The following CDH4 variants were observed in gnomAD, a reference collection of about 807,000 sequenced individuals.
CDH4 encodes the protein cadherin-4.
CDH4 carries 33 observed loss-of-function variants against 86.0 expected under a neutral mutation model. The ratio of observed to expected loss-of-function variants is 0.38; its 90% CI spans 0.29 to 0.51. The LOEUF (loss-of-function observed/expected upper bound fraction) is 0.51, where lower values mean the gene tolerates loss of function less well. Ranked by LOEUF, CDH4 falls within the 20% of genes least tolerant of loss-of-function variation. The probability of loss-of-function intolerance (pLI) is 0.86; values close to 1 mark genes in which losing one functional copy is unlikely to be tolerated. For missense variants in CDH4, 1,114 were observed against 1,307.4 expected, an observed-to-expected ratio of 0.85 and a Z score of 2.28; for synonymous variants, 555 against 549.4, an observed-to-expected ratio of 1.01 and a Z score of -0.14.
intron 2 of CDH4, among the ~76,000 whole-genome samples, chr20:61,284,324 T>A (rs2084281645): frequency 6.6e-6 from 1 of 151,800 alleles, no homozygotes; most frequent in African/African-American, 2.4e-5. Context: ...AAAAAAAAAA[T>A]CTGCTTAGCT....
At chr20:61,528,395 G>A (rs1438781387) in intron 2 of CDH4, among the ~76,000 whole-genome samples, 1 of 130,518 alleles carries the variant, frequency 7.7e-6, no homozygotes, top group Non-Finnish European at 1.6e-5. Flanking sequence ...ATGAGAGGAG[G>A]GGAAGGGAGG....
At chr20:61,846,274 G>A (rs1055898022) in intron 5 of CDH4, among the ~76,000 whole-genome samples, 4 of 152,236 alleles carry the variant, frequency 2.6e-5, no homozygotes, top group Non-Finnish European at 5.9e-5. Flanking sequence ...CCTGGGCTTC[G>A]TGTGCTGGGC....
chr20:61,629,648 G>A (rs998738498), intron 2 of CDH4, among the ~76,000 whole-genome samples: 9 of 152,198 alleles, frequency 5.9e-5, no homozygotes, highest in African/African-American at 1.4e-4. Context: ...AGGCGGCCGC[G>A]GTTTTTCCAG....
At chr20:61,492,446 CA>C (rs2085633279) in intron 2 of CDH4, among the ~76,000 whole-genome samples, 1 of 150,204 alleles carries the variant, frequency 6.7e-6, no homozygotes, top group South Asian at 2.1e-4. Context: ...TTGGTGGTGT[CA>C]ATATTGTTGA....
chr20:61,600,642 C>T (rs1413000941), intron 2 of CDH4, among the ~76,000 whole-genome samples: 1 of 152,172 alleles, frequency 6.6e-6, no homozygotes, highest in African/African-American at 2.4e-5. Flanking sequence ...TCCAGGCCCG[C>T]CCCCAGGGGT....
At chr20:61,328,172 T>C (rs754921405) in intron 2 of CDH4, among the ~76,000 whole-genome samples, 9 of 152,136 alleles carry the variant, frequency 5.9e-5, no homozygotes, top group Non-Finnish European at 1.3e-4. Context: ...CTAATAAAAT[T>C]GCTATTTTTT....
intron 2 of CDH4, among the ~76,000 whole-genome samples, chr20:61,572,824 T>TGG (rs1555809980): frequency 1.0e-4 from 15 of 146,058 alleles, no homozygotes; most frequent in African/African-American, 3.8e-4. Flanking sequence ...TTCAGAACAC[T>TGG]ATGGATGGAT....
Position 61,258,340 on chromosome 20 carries a change from A to AAAAAAAAAAG in CDH4, c.169+3408_169+3409insAAAAGAAAAA, listed in dbSNP as rs1353887398. ...ACGAGACTCCGTCTCAAAAAAAAAA[A>AAAAAAAAAAG]AAAAAGAAAAAAAAAAAAGAAAGAG... On this transcript the variant is annotated intron_variant, in intron 2 of 15. Coordinates refer to ENST00000614565, the MANE Select transcript of CDH4 (RefSeq NM_001794.5). Among the ~76,000 whole-genome samples, 435 of 121,726 alleles carry AAAAAAAAAAG rather than the reference A, an allele frequency of 3.6e-3. 6 individuals carry two copies. Among genetic ancestry groups the AAAAAAAAAAG allele is most frequent in the African/African-American group, 0.013 (415 of 32,194 alleles). The allele number at this position is 121,726 out of a possible 152,430, so 79.9% of individuals were successfully genotyped here. A position where few individuals can be genotyped will look rare whatever the true frequency, so the allele number is the denominator to read the frequency against.
chr20:61,828,595 G>A (rs987302240), intron 4 of CDH4, among the ~76,000 whole-genome samples: 4 of 152,182 alleles, frequency 2.6e-5, no homozygotes, highest in Non-Finnish European at 4.4e-5. Flanking sequence ...GGTCCTGAGG[G>A]GAGGGTCCTG....
At chr20:61,527,501 C>T (rs2085919373) in intron 2 of CDH4, among the ~76,000 whole-genome samples, 1 of 152,224 alleles carries the variant, frequency 6.6e-6, no homozygotes, top group African/African-American at 2.4e-5. Context: ...CTACCTGCCT[C>T]AGTCTCCCAG....
rs1980391640 is a variant in CDH4, at chr20:61,810,740, G to T, written c.577-33928G>T. On this transcript the variant is annotated intron_variant, in intron 4 of 15. Coordinates refer to ENST00000614565, the MANE Select transcript of CDH4 (RefSeq NM_001794.5). This position sits in a 1 kb window ranked among gnomAD's most constrained non-coding sequence, Gnocchi z 4.3. ...GACGTGTAGCCGCATTCAGGGTCTGGCTGCCAGGGCAGAACCAAGCAGGGC... is the reference window on the plus strand; with the variant it reads ...GACGTGTAGCCGCATTCAGGGTCTGTCTGCCAGGGCAGAACCAAGCAGGGC... Among the ~76,000 whole-genome samples, 1 of 152,174 alleles carries T rather than the reference G, an allele frequency of 6.6e-6. No homozygotes were observed. The highest frequency in any genetic ancestry group is 2.1e-4 in the South Asian group (1 of 4,830).
At chr20:61,616,868 G>A (rs1005169168) in intron 2 of CDH4, among the ~76,000 whole-genome samples, 1 of 152,148 alleles carries the variant, frequency 6.6e-6, no homozygotes, top group Admixed American at 6.5e-5. Flanking sequence ...ACCTGGTCAG[G>A]GTCCCCGCTG....
chr20:61,761,108 G>A (rs992015279), intron 3 of CDH4, among the ~76,000 whole-genome samples: 5 of 152,278 alleles, frequency 3.3e-5, no homozygotes, highest in East Asian at 3.9e-4. Flanking sequence ...AAGGTACACC[G>A]AAAAGGAAAT....
At chr20:61,310,488 C>T in intron 2 of CDH4, among the ~76,000 whole-genome samples, 1 of 152,166 alleles carries the variant, frequency 6.6e-6, no homozygotes, top group Admixed American at 6.5e-5. Context: ...GGATCCCTCC[C>T]ATGCGCGGTT....
chr20:61,285,804 A>T (rs1381610501), intron 2 of CDH4, among the ~76,000 whole-genome samples: 1 of 152,232 alleles, frequency 6.6e-6, no homozygotes, highest in Non-Finnish European at 1.5e-5. Flanking sequence ...TCATTAGAAG[A>T]CCTGGCGCAG....
chr20:61,919,138 T>C (rs1443940740), intron 9 of CDH4, among the ~76,000 whole-genome samples: 1 of 152,244 alleles, frequency 6.6e-6, no homozygotes, highest in African/African-American at 2.4e-5. Context: ...TTCAAAGTGT[T>C]GGGATTACAG....
intron 2 of CDH4, among the ~76,000 whole-genome samples, chr20:61,720,357 A>C (rs1434358235): frequency 6.6e-6 from 1 of 152,094 alleles, no homozygotes; most frequent in African/African-American, 2.4e-5. Flanking sequence ...CTTGAGAGTG[A>C]TGCAGGGGAC....
At chr20:61,321,593 T>C (rs1210487247) in intron 2 of CDH4, among the ~76,000 whole-genome samples, 2 of 152,206 alleles carry the variant, frequency 1.3e-5, no homozygotes, top group Non-Finnish European at 2.9e-5. Flanking sequence ...ATGTATGTGC[T>C]GACACCTTCC....
chr20:61,739,278 A>G (rs954384534), intron 2 of CDH4, among the ~76,000 whole-genome samples: 2 of 152,158 alleles, frequency 1.3e-5, no homozygotes, highest in African/African-American at 4.8e-5. Flanking sequence ...ACAAAGCAGG[A>G]CAGAAGCCCC....
Sources: gnomAD v4.1 joint callset for allele counts (sites outside exome capture counted in the v4.1 genomes callset) on GRCh38, gnomAD v4.1.1 for gene constraint, Gnocchi (gnomAD v3.1) non-coding constraint, MANE v1.5 for transcripts, NCBI Gene and HGNC (gene_info 2026-07-23, HGNC 2026-07-21) for gene names.